Variants in RSF1 observed in about 807,000 individuals in gnomAD.
RSF1 encodes HBV pX-associated protein 8.
Under a neutral mutation model 145.2 loss-of-function variants are expected in RSF1, and 13 were observed. That is an observed-to-expected ratio of 0.09 (90% CI 0.06 to 0.14). The LOEUF (loss-of-function observed/expected upper bound fraction) is 0.14, where lower values mean the gene tolerates loss of function less well. RSF1 is among the 10% of genes least tolerant of loss of function. RSF1 has a pLI of 1.00. For missense variants in RSF1, 1,517 were observed against 1,718.2 expected, an observed-to-expected ratio of 0.88 and a Z score of 2.07; for synonymous variants, 577 against 592.6, an observed-to-expected ratio of 0.97 and a Z score of 0.38.
upstream of RSF1, chr11:77,821,185 G>C (rs1948879797): frequency 2.8e-6 from 1 of 356,070 alleles, no homozygotes; most frequent in African/African-American, 2.1e-5. Flanking sequence ...GGGAGCGTAA[G>C]TGCGGGCAGA....
the RSF1 span, among the ~76,000 whole-genome samples, chr11:77,846,622 C>T: frequency 6.6e-6 from 1 of 152,230 alleles, no homozygotes; most frequent in South Asian, 2.1e-4. Context: ...AGGAGAATCG[C>T]TTGAACCCGG....
chr11:77,689,588 C>T (rs935561715), intron 9 of RSF1, among the ~76,000 whole-genome samples: 2 of 152,190 alleles, frequency 1.3e-5, no homozygotes, highest in African/African-American at 4.8e-5. Context: ...TTTAATATAT[C>T]TCCACTTTTC....
At chr11:77,819,684 AGAC>A (rs1460641140) in intron 1 of RSF1, among the ~76,000 whole-genome samples, 4 of 151,978 alleles carry the variant, frequency 2.6e-5, no homozygotes, top group Non-Finnish European at 5.9e-5. Context: ...AATGGGAGGG[AGAC>A]GACTTCTTCG....
At chr11:77,816,407 C>A in intron 1 of RSF1, among the ~76,000 whole-genome samples, 1 of 152,196 alleles carries the variant, frequency 6.6e-6, no homozygotes, top group East Asian at 1.9e-4. Flanking sequence ...GTTATAGTTA[C>A]AATTCCAGTT....
chr11:77,800,225 C>T (rs1948613270), intron 1 of RSF1, among the ~76,000 whole-genome samples: 2 of 152,100 alleles, frequency 1.3e-5, no homozygotes, highest in Admixed American at 1.3e-4. Flanking sequence ...GGCGTAGTGG[C>T]TCATACCTGT....
chr11:77,687,838 A>G (rs184692371), intron 9 of RSF1, among the ~76,000 whole-genome samples: 82 of 152,342 alleles, frequency 5.4e-4, no homozygotes, highest in Admixed American at 3.7e-3. Context: ...AAAAATCAAA[A>G]TATTTCATAA....
rs773695704 is a variant in RSF1, at chr11:77,676,845, A to G, written c.3288T>C (p.Ser1096=). ...KKRRRLNDLD[S]DSNLDEEESE... ...TCTCTTCTTCATCCAGGTTGCTATC[A>G]CTGTCCAGATCATTTAATCGCCGGC... Residue 1096 remains serine, a synonymous_variant, in exon 13 of 16, where the codon AGT becomes AGC. Coordinates refer to ENST00000308488, the MANE Select transcript of RSF1 (RefSeq NM_016578.4). 3.7e-6 allele frequency: 6 copies of G among 1,613,918 alleles called. No homozygotes were observed. Among genetic ancestry groups the G allele is most frequent in the Non-Finnish European group, 5.1e-6 (6 of 1,179,930 alleles).
intron 15 of RSF1, among the ~76,000 whole-genome samples, chr11:77,669,981 A>C (rs531509371): frequency 1.6e-4 from 25 of 152,286 alleles, no homozygotes; most frequent in African/African-American, 6.0e-4. Context: ...AAATTTAAAA[A>C]TTAGCAGTGT....
the RSF1 span, among the ~76,000 whole-genome samples, chr11:77,862,585 G>T: frequency 1.3e-5 from 2 of 152,150 alleles, no homozygotes; most frequent in South Asian, 2.1e-4. Context: ...GGTTGAAGGG[G>T]TGTCCTTATT....
At chr11:77,764,782 A>C in intron 1 of RSF1, 93 bp from the exon 2 acceptor site, 1 of 799,948 alleles carries the variant, frequency 1.3e-6, no homozygotes, top group Non-Finnish European at 2.0e-6. Context: ...CCAACCCTGG[A>C]TACCTTCTCA....
intron 2 of RSF1, among the ~76,000 whole-genome samples, chr11:77,750,394 GTA>G: frequency 6.6e-6 from 1 of 152,306 alleles, no homozygotes; most frequent in Non-Finnish European, 1.5e-5. Context: ...AGGCATGGCT[GTA>G]TTCCCGTAAC....
At chr11:77,728,698 T>C (rs909549728) in intron 4 of RSF1, among the ~76,000 whole-genome samples, 6 of 152,070 alleles carry the variant, frequency 3.9e-5, no homozygotes, top group African/African-American at 1.4e-4. Flanking sequence ...TATAATTCTA[T>C]GTATACAAAA....
chr11:77,807,668 AACAGACATTCCTGATTAC>A (rs1195674461), intron 1 of RSF1, among the ~76,000 whole-genome samples: 1 of 152,248 alleles, frequency 6.6e-6, no homozygotes, highest in Non-Finnish European at 1.5e-5. Flanking sequence ...AATAGGTAAG[AACAGACATTCCTGATTAC>A]ACATTAAAAT....
chr11:77,809,333 T>G (rs969825234), intron 1 of RSF1, among the ~76,000 whole-genome samples: 5 of 152,270 alleles, frequency 3.3e-5, no homozygotes. Flanking sequence ...CCTATAAAAT[T>G]ATGGTAAAGC....
intron 1 of RSF1, among the ~76,000 whole-genome samples, chr11:77,782,540 C>CA (rs781781029): frequency 0.05 from 6,650 of 132,468 alleles, 149 homozygotes; most frequent in South Asian, 0.057. Context: ...GAATCCGTCT[C>CA]AAAAAAAAAA....
Position 77,663,407 on chromosome 11 carries a change from A to C in RSF1, c.*3510T>G, listed in dbSNP as rs890921928. The C allele has an allele frequency of 2.6e-5, 4 of 152,206 alleles. No individual in the cohort carries two copies. Among genetic ancestry groups the C allele is most frequent in the African/African-American group, 9.6e-5 (4 of 41,458 alleles). The allele number at this position is 152,206 out of a possible 1,614,324, so 9.4% of individuals were successfully genotyped here. A position where few individuals can be genotyped will look rare whatever the true frequency, so the allele number is the denominator to read the frequency against. On this transcript the variant is annotated 3_prime_UTR_variant, in exon 16 of 16. Transcript: ENST00000308488. ...TTATAGGATGGGTTTCATCAACTAA[A>C]AAGTAAAAACTGGGTACGTGTAACA... is the stretch of plus-strand genomic sequence containing the variant.
At chr11:77,679,063 A>G (rs756686642) in intron 11 of RSF1, among the ~76,000 whole-genome samples, 69 of 152,348 alleles carry the variant, frequency 4.5e-4, no homozygotes, top group Non-Finnish European at 7.8e-4. Context: ...TCTCTGTTGT[A>G]ACTACTCAAC....
Position 77,700,349 on chromosome 11 carries a change from C to CCA in RSF1, c.2508+371_2508+372insTG, listed in dbSNP as rs751077183. ...CTGGCGACAGAGCAAGACTGTCTCACAAAAAAAAAAAAAAAAAAAAAAAAA... is the reference window on the plus strand; with the variant it reads ...CTGGCGACAGAGCAAGACTGTCTCACCAAAAAAAAAAAAAAAAAAAAAAAAAA... On this transcript the variant is annotated intron_variant, in intron 6 of 15. Coordinates refer to ENST00000308488, the MANE Select transcript of RSF1 (RefSeq NM_016578.4). 6.4e-3 allele frequency among the ~76,000 whole-genome samples: 300 copies of CCA among 47,224 alleles called. 5 individuals are homozygous for CCA. The highest frequency in any genetic ancestry group is 0.022 in the African/African-American group (282 of 13,028). The allele number at this position is 47,224 out of a possible 152,430, so 31.0% of individuals were successfully genotyped here. A position where few individuals can be genotyped will look rare whatever the true frequency, so the allele number is the denominator to read the frequency against.
In RSF1 at chr11:77,667,132, T is replaced by C. The variant is rs767952987; in HGVS notation, c.4111A>G (p.Thr1371Ala). 1.9e-5 allele frequency: 30 copies of C among 1,614,068 alleles called. No homozygotes were observed. In the East Asian group the frequency reaches 6.0e-4, roughly 32 times the overall value. The change falls in exon 16 of 16, where the codon ACC becomes GCC. Residue 1371 changes from threonine to alanine, a missense_variant. Around this residue, in one of 12 missense-constraint regions of RSF1, gnomAD observed 240 missense variants for 231.8 expected, o/e 1.04. Coordinates refer to ENST00000308488, the MANE Select transcript of RSF1 (RefSeq NM_016578.4). ...GCTTTGCCAGGGCTCTGTCCATTGG[T>C]TGAAGGTAAGTCCACTAAGCTATAG... ...LDYSLVDLPS[T>A]NGQSPGKAIE... is the part of the protein sequence containing the mutation.
Sources: allele counts gnomAD v4.1 joint callset (sites outside exome capture counted in the v4.1 genomes callset), GRCh38; gene constraint gnomAD v4.1.1; regional missense constraint gnomAD v4.1.1; transcripts MANE v1.5; gene names NCBI Gene and HGNC (gene_info 2026-07-23, HGNC 2026-07-21).